HYCC2: variants seen among roughly 807,000 people sequenced by gnomAD.
HYCC2 encodes hyccin 2.
the HYCC2 span, chr2:201,022,912 G>T: frequency 6.2e-7 from 1 of 1,613,022 alleles, no homozygotes; most frequent in East Asian, 2.2e-5. Context: ...CATAACTGGT[G>T]ATCTGAGTGT....
chr2:201,054,146 GGAGAAGCCCTTAAAATCT>G, the HYCC2 span, among the ~76,000 whole-genome samples: 1 of 152,144 alleles, frequency 6.6e-6, no homozygotes, highest in South Asian at 2.1e-4. Context: ...AGGAATAATC[GGAGAAGCCCTTAAAATCT>G]CATTAGGGGC....
chr2:200,988,636 A>C, the HYCC2 span, among the ~76,000 whole-genome samples: 1 of 152,202 alleles, frequency 6.6e-6, no homozygotes, highest in South Asian at 2.1e-4. Flanking sequence ...AAAATTGTTG[A>C]CTTTCAAAGA....
the HYCC2 span, chr2:201,063,782 CGTGGTGGTGGTGGATATGATGGCA>C: frequency 6.3e-7 from 1 of 1,586,200 alleles, no homozygotes; most frequent in Non-Finnish European, 8.5e-7. Context: ...TGGTGGCAGC[CGTGGTGGTGGTGGATATGATGGCA>C]GTGGGGATGG....
the HYCC2 span, among the ~76,000 whole-genome samples, chr2:201,026,081 A>T: frequency 4.6e-4 from 70 of 152,272 alleles, no homozygotes; most frequent in East Asian, 0.013. Flanking sequence ...TCTCACATGC[A>T]AAGACATGCA....
the HYCC2 span, among the ~76,000 whole-genome samples, chr2:201,015,348 T>G: frequency 6.6e-6 from 1 of 152,164 alleles, no homozygotes; most frequent in Non-Finnish European, 1.5e-5. Context: ...TCAAGTTCCA[T>G]GTAAAGCCCC....
At chr2:201,015,908 T>C in the HYCC2 span, among the ~76,000 whole-genome samples, 1 of 152,200 alleles carries the variant, frequency 6.6e-6, no homozygotes, top group South Asian at 2.1e-4. Flanking sequence ...CCAGCTTAGA[T>C]GGCATCACCT....
chr2:201,063,670 A>T, the HYCC2 span: 8 of 1,575,446 alleles, frequency 5.1e-6, no homozygotes, highest in East Asian at 1.3e-4. Context: ...CTAGCCAAAG[A>T]GGTCGAAGTG....
the HYCC2 span, among the ~76,000 whole-genome samples, chr2:201,038,270 T>C: frequency 3.3e-5 from 5 of 152,092 alleles, no homozygotes; most frequent in Non-Finnish European, 5.9e-5. Flanking sequence ...TGTGGAGAAA[T>C]AGGAACACTT....
At chr2:201,068,714 C>A in the HYCC2 span, among the ~76,000 whole-genome samples, 1 of 152,150 alleles carries the variant, frequency 6.6e-6, no homozygotes, top group Non-Finnish European at 1.5e-5. Context: ...AGGAGCAGAG[C>A]TACAAAGTGA....
At chr2:201,025,071 C>T in the HYCC2 span, among the ~76,000 whole-genome samples, 2 of 152,256 alleles carry the variant, frequency 1.3e-5, no homozygotes, top group Non-Finnish European at 2.9e-5. Context: ...CATGTTCACA[C>T]CACTGCACTC....
chr2:201,039,805 G>A, the HYCC2 span, among the ~76,000 whole-genome samples: 5 of 152,032 alleles, frequency 3.3e-5, no homozygotes, highest in East Asian at 1.9e-4. Flanking sequence ...TTGGCTGGTC[G>A]CTGAAAAGTT....
At chr2:201,008,789 TTGGAAAG>T in the HYCC2 span, among the ~76,000 whole-genome samples, 1 of 152,138 alleles carries the variant, frequency 6.6e-6, no homozygotes, top group Non-Finnish European at 1.5e-5. Context: ...TCCTAGCTAC[TTGGAAAG>T]CTGAGGTGGG....
the HYCC2 span, among the ~76,000 whole-genome samples, chr2:200,982,755 A>T: frequency 5.3e-5 from 8 of 152,062 alleles, no homozygotes; most frequent in African/African-American, 1.2e-4. Context: ...TTAACAAAAT[A>T]ATTTATTTAT....
chr2:201,038,928 TA>T, the HYCC2 span, among the ~76,000 whole-genome samples: 4,477 of 145,022 alleles, frequency 0.031, 105 homozygotes, highest in Middle Eastern at 0.09. Context: ...AATTGTTGAT[TA>T]AAAAAAAAAA....
At chr2:200,978,321 A>G in the HYCC2 span, 1 of 152,166 alleles carries the variant, frequency 6.6e-6, no homozygotes, top group South Asian at 2.1e-4. Flanking sequence ...GACTAAATGA[A>G]ATGTTTCTTC....
the HYCC2 span, among the ~76,000 whole-genome samples, chr2:201,056,214 T>C: frequency 1.3e-5 from 2 of 151,494 alleles, no homozygotes; most frequent in African/African-American, 4.9e-5. Flanking sequence ...ATAAATAAAA[T>C]AAAATAAAAT....
the HYCC2 span, among the ~76,000 whole-genome samples, chr2:201,026,869 C>T: frequency 1.6e-4 from 24 of 152,064 alleles, no homozygotes; most frequent in African/African-American, 5.1e-4. Flanking sequence ...GTAGGAAAGA[C>T]CTAAAATTGA....
At chr2:201,046,651 C>T in the HYCC2 span, among the ~76,000 whole-genome samples, 4 of 151,998 alleles carry the variant, frequency 2.6e-5, no homozygotes, top group Non-Finnish European at 5.9e-5. Flanking sequence ...ACAAATCTCC[C>T]ACAGACTTCA....
the HYCC2 span, chr2:200,974,283 CT>C: frequency 1.3e-5 from 2 of 151,362 alleles, no homozygotes; most frequent in Non-Finnish European, 3.0e-5. Context: ...TGAGATAGTT[CT>C]TATTTAATAT....
Sources: gnomAD v4.1 joint callset for allele counts (sites outside exome capture counted in the v4.1 genomes callset) on GRCh38, gnomAD v4.1.1 for gene constraint, MANE v1.5 for transcripts, NCBI Gene and HGNC (gene_info 2026-07-23, HGNC 2026-07-21) for gene names.